PCNX2: variants seen among roughly 807,000 people sequenced by gnomAD.
PCNX2 encodes pecanex-like protein 2.
A neutral mutation model predicts 223.8 loss-of-function variants in PCNX2; 168 were observed. That is an observed-to-expected ratio of 0.75 (90% CI 0.66 to 0.85). The LOEUF is 0.85. PCNX2 is among the 40% of genes least tolerant of loss of function. The pLI is 0.00. For synonymous variants in PCNX2, 1,006 were observed against 1,052.6 expected (o/e 0.96, Z 0.86); for missense variants, 2,507 against 2,675.5 (o/e 0.94, Z 1.39).
chr1:233,249,348 G>A (rs904547940), intron 8 of PCNX2, among the ~76,000 whole-genome samples: 2 of 152,206 alleles, frequency 1.3e-5, no homozygotes, highest in African/African-American at 4.8e-5. Flanking sequence ...ACTTTTAGCT[G>A]GGAATTGCAG....
At chr1:233,240,339 A>AG (rs1658684061) in intron 8 of PCNX2, among the ~76,000 whole-genome samples, 1 of 151,874 alleles carries the variant, frequency 6.6e-6, no homozygotes, top group South Asian at 2.1e-4. Context: ...ATTCTCTCTC[A>AG]TTTTTTTTAA....
intron 32 of PCNX2, among the ~76,000 whole-genome samples, chr1:232,997,536 G>A (rs1032032835): frequency 4.6e-5 from 7 of 152,146 alleles, no homozygotes; most frequent in Admixed American, 1.3e-4. Context: ...AGGACCAGCA[G>A]GAACCAGGGC....
chr1:233,086,407 C>A (rs1347762260), intron 23 of PCNX2, among the ~76,000 whole-genome samples: 1 of 152,008 alleles, frequency 6.6e-6, no homozygotes, highest in African/African-American at 2.4e-5. Flanking sequence ...CCTGTAATCC[C>A]AGCACTTTGG....
chr1:233,011,222 T>C (rs989512476), intron 28 of PCNX2, among the ~76,000 whole-genome samples: 8 of 152,334 alleles, frequency 5.3e-5, no homozygotes, highest in African/African-American at 1.9e-4. Context: ...TAGAGCTTAT[T>C]TCAGAATTGT....
At chr1:233,119,685 G>A (rs12738831) in intron 21 of PCNX2, among the ~76,000 whole-genome samples, 1 of 151,634 alleles carries the variant, frequency 6.6e-6, no homozygotes, top group African/African-American at 2.4e-5. Flanking sequence ...TTGGGGTCTA[G>A]AACCAGGCAA....
At chr1:233,232,343 T>C (rs1658115399) in intron 9 of PCNX2, among the ~76,000 whole-genome samples, 1 of 152,226 alleles carries the variant, frequency 6.6e-6, no homozygotes, top group East Asian at 1.9e-4. Context: ...GCCCAGCTGT[T>C]GGCTAATGTA....
Position 233,102,258 on chromosome 1 carries a change from G to A in PCNX2, c.3838-6395C>T, listed in dbSNP as rs150216831. On this transcript the variant is annotated intron_variant, in intron 21 of 33. Coordinates refer to ENST00000258229, the MANE Select transcript of PCNX2 (RefSeq NM_014801.4). ...TAAATTCCATTGTGTATATATACAC[G>A]GTTTCTTTATCCATTCATCTGCTGA... 3.9e-3 allele frequency among the ~76,000 whole-genome samples: 590 copies of A among 152,008 alleles called. 4 individuals are homozygous for A. The highest frequency in any genetic ancestry group is 0.014 in the African/African-American group (574 of 41,480).
At chr1:233,050,180 A>T (rs1300064569) in intron 25 of PCNX2, among the ~76,000 whole-genome samples, 1 of 152,088 alleles carries the variant, frequency 6.6e-6, no homozygotes, top group Non-Finnish European at 1.5e-5. Context: ...TGGCACGTGT[A>T]TATCTATGTA....
At chr1:233,133,118 C>T (rs931691396) in intron 21 of PCNX2, among the ~76,000 whole-genome samples, 2 of 151,922 alleles carry the variant, frequency 1.3e-5, no homozygotes, top group Admixed American at 6.6e-5. Context: ...ATCCTGCTCT[C>T]GAAATCCTGA....
chr1:233,270,615 G>C (rs150267521), intron 1 of PCNX2, among the ~76,000 whole-genome samples: 2 of 152,162 alleles, frequency 1.3e-5, no homozygotes, highest in Non-Finnish European at 2.9e-5. Flanking sequence ...CTATGTGAAC[G>C]TCTATCCTGC....
chr1:233,319,784 A>T, the PCNX2 span, among the ~76,000 whole-genome samples: 5 of 152,250 alleles, frequency 3.3e-5, no homozygotes, highest in Admixed American at 1.3e-4. Flanking sequence ...TATGTGCTTC[A>T]TAACTATCAA....
At position 233,044,825 on chromosome 1, in the gene PCNX2, C is replaced by T. The variant is rs372830042; in HGVS notation, c.4351+9443G>A. The stretch of plus-strand genomic sequence containing the variant: ...CTGTGATTACAGGTGCATGCCACCA[C>T]GCCCAGCTGCTTTTTGTATTTTTAG... On this transcript the variant is annotated intron_variant, in intron 25 of 33. Transcript: ENST00000258229. Among the ~76,000 whole-genome samples, 25 of 152,106 alleles carry T rather than the reference C, an allele frequency of 1.6e-4. 1 individual carries two copies. In the East Asian group the frequency reaches 3.1e-3, roughly 19 times the overall value.
intron 21 of PCNX2, among the ~76,000 whole-genome samples, chr1:233,096,072 C>T (rs570078489): frequency 6.6e-6 from 1 of 152,162 alleles, no homozygotes; most frequent in Admixed American, 6.5e-5. Flanking sequence ...AGAAATCTTG[C>T]ATGGTTAATC....
At chr1:233,206,648 T>C (rs1219645588) in intron 13 of PCNX2, among the ~76,000 whole-genome samples, 1 of 152,086 alleles carries the variant, frequency 6.6e-6, no homozygotes, top group Non-Finnish European at 1.5e-5. Context: ...TCTGTTCTTA[T>C]TTTTTTTCCA....
rs1386740397 is a variant in PCNX2, at chr1:233,000,424, C to G, written c.5209G>C (p.Gly1737Arg). 3.7e-6 allele frequency: 6 copies of G among 1,603,588 alleles called. No individual in the cohort carries two copies. The highest frequency in any genetic ancestry group is 5.1e-6 in the Non-Finnish European group (6 of 1,173,586). ...TCTTCCTTGTTGGACAGCACTGCGCCCCGCCAGGCCGGGTCGCCCTCGTGG... is the reference window on the plus strand; with the variant it reads ...TCTTCCTTGTTGGACAGCACTGCGCGCCGCCAGGCCGGGTCGCCCTCGTGG... ...ICHEGDPAWR[G>R]AVLSNKEELL... is the part of the protein sequence containing the mutation. The change falls in exon 30 of 34, where the codon GGC becomes CGC. Residue 1737 changes from glycine to arginine, a missense_variant. Physicochemically the swap from Gly to Arg is moderately radical, Grantham distance 125. This residue lies in a region of PCNX2 where 1,372 missense variants were observed against 1,509.4 expected (regional missense o/e 0.91). Coordinates refer to ENST00000258229, the MANE Select transcript of PCNX2 (RefSeq NM_014801.4). The surrounding 1 kb of genome is among the most constrained non-coding windows in gnomAD (Gnocchi z 4.6).
intron 10 of PCNX2, among the ~76,000 whole-genome samples, chr1:233,221,039 ACT>A (rs1275799733): frequency 6.6e-6 from 1 of 152,050 alleles, no homozygotes; most frequent in East Asian, 1.9e-4. Flanking sequence ...AGGATGGGAA[ACT>A]CTGAGGACAA....
At chr1:233,145,817 C>A (rs1677414991) in intron 19 of PCNX2, among the ~76,000 whole-genome samples, 1 of 152,156 alleles carries the variant, frequency 6.6e-6, no homozygotes, top group Non-Finnish European at 1.5e-5. Flanking sequence ...CCCTTGCTGA[C>A]TGCTCCTGGG....
intron 21 of PCNX2, among the ~76,000 whole-genome samples, chr1:233,105,853 G>T (rs114272919): frequency 5.9e-5 from 9 of 152,298 alleles, no homozygotes; most frequent in Admixed American, 2.6e-4. Context: ...CACAAATGAA[G>T]TCGACATTGC....
intron 1 of PCNX2, among the ~76,000 whole-genome samples, chr1:233,272,196 T>C (rs1357515833): frequency 6.7e-6 from 1 of 148,742 alleles, no homozygotes. Context: ...ATCAGCAGAG[T>C]AAACAGACAA....
Sources: allele counts gnomAD v4.1 joint callset (sites outside exome capture counted in the v4.1 genomes callset), GRCh38; gene constraint gnomAD v4.1.1; regional missense constraint gnomAD v4.1.1; non-coding constraint Gnocchi (gnomAD v3.1); transcripts MANE v1.5; gene names NCBI Gene and HGNC (gene_info 2026-07-23, HGNC 2026-07-21).